SMOC1: variants seen among roughly 807,000 people sequenced by gnomAD.
SMOC1 encodes SPARC related modular calcium binding 1.
A neutral mutation model predicts 56.3 loss-of-function variants in SMOC1; 22 were observed. The ratio of observed to expected loss-of-function variants is 0.39; its 90% CI spans 0.28 to 0.56. The LOEUF (loss-of-function observed/expected upper bound fraction) is 0.56. Among genes scored for constraint, SMOC1 ranks in the 20% least tolerant of loss-of-function variants. The pLI, the probability that SMOC1 is intolerant of heterozygous loss-of-function variation, is 0.61. For missense variants in SMOC1, 509 were observed against 565.4 expected (o/e 0.90, Z 1.01); for synonymous variants, 193 against 215.0 (o/e 0.90, Z 0.89).
chr14:69,916,958 T>C (rs1449818548), intron 1 of SMOC1, among the ~76,000 whole-genome samples: 1 of 152,246 alleles, frequency 6.6e-6, no homozygotes, highest in Non-Finnish European at 1.5e-5. Context: ...GGAAGCATGC[T>C]GAGTGGATGA....
intron 7 of SMOC1, among the ~76,000 whole-genome samples, chr14:69,995,925 A>C (rs1452416174): frequency 6.6e-6 from 1 of 152,172 alleles, no homozygotes; most frequent in East Asian, 1.9e-4. Flanking sequence ...TTAGGCAAAT[A>C]TAAATCAAAT....
At chr14:69,977,274 C>A (rs978052469) in intron 4 of SMOC1, among the ~76,000 whole-genome samples, 1 of 152,196 alleles carries the variant, frequency 6.6e-6, no homozygotes, top group East Asian at 1.9e-4. Flanking sequence ...AGGGTCAGGA[C>A]TGGAGGAGGG....
At chr14:70,005,034 A>G (rs1885101874) in intron 7 of SMOC1, among the ~76,000 whole-genome samples, 1 of 152,250 alleles carries the variant, frequency 6.6e-6, no homozygotes, top group African/African-American at 2.4e-5. Flanking sequence ...TGGGTTACCC[A>G]GGATCTCAGC....
chr14:69,985,513 T>G (rs1884334008), intron 5 of SMOC1, among the ~76,000 whole-genome samples: 1 of 152,178 alleles, frequency 6.6e-6, no homozygotes, highest in South Asian at 2.1e-4. Flanking sequence ...TGTCCTTCAG[T>G]GGATGAAACA....
rs568788041 is a variant in SMOC1, at chr14:69,960,162, T to G, written c.378+6630T>G. On this transcript the variant is annotated intron_variant, in intron 3 of 11. Coordinates refer to ENST00000361956, the MANE Select transcript of SMOC1 (RefSeq NM_001034852.3). ...AACATTGGCAGGCTGAACATCCTCA[T>G]AGGGTGGAAGGGGTTTGTCCTATCT... is the stretch of plus-strand genomic sequence containing the variant. Among the ~76,000 whole-genome samples, 4 of 152,256 alleles carry G rather than the reference T, an allele frequency of 2.6e-5. No individual in the cohort carries two copies. In the South Asian group the frequency reaches 8.3e-4, roughly 32 times the overall value.
chr14:69,888,752 A>G (rs1388316500), intron 1 of SMOC1, among the ~76,000 whole-genome samples: 2 of 152,174 alleles, frequency 1.3e-5, no homozygotes, highest in Non-Finnish European at 2.9e-5. Context: ...AGAACTAGAT[A>G]TGCATTCTAA....
chr14:69,905,082 A>C (rs1884371058), intron 1 of SMOC1, among the ~76,000 whole-genome samples: 1 of 152,292 alleles, frequency 6.6e-6, no homozygotes, highest in South Asian at 2.1e-4. Flanking sequence ...GGTGGTCAGA[A>C]TGGTGATGAT....
intron 1 of SMOC1, among the ~76,000 whole-genome samples, chr14:69,900,760 G>C (rs1884223168): frequency 6.6e-6 from 1 of 152,178 alleles, no homozygotes; most frequent in African/African-American, 2.4e-5. Flanking sequence ...TGAGAAACCT[G>C]ATAACCAGGC....
intron 1 of SMOC1, among the ~76,000 whole-genome samples, chr14:69,892,761 A>G (rs773113853): frequency 3.4e-4 from 51 of 152,208 alleles, no homozygotes; most frequent in Admixed American, 1.8e-3. Flanking sequence ...ACATTTTCAT[A>G]TATATCTGTA....
intron 3 of SMOC1, among the ~76,000 whole-genome samples, chr14:69,971,693 A>G (rs902864989): frequency 1.3e-5 from 2 of 152,240 alleles, no homozygotes; most frequent in African/African-American, 2.4e-5. Flanking sequence ...AAGCTAAGCC[A>G]GGTAGAGTTT....
chr14:70,030,481 A>G lies in SMOC1; in HGVS notation c.*223A>G, dbSNP rs1886105146. ...AGTGGGAAAAGGAAAGGGAAGAAAG[A>G]CTTTATTCTCTCTCTTATTGTAAGT... On this transcript the variant is annotated 3_prime_UTR_variant, in exon 12 of 12. Transcript: ENST00000361956. 2.3e-6 allele frequency: 1 copy of G among 428,544 alleles called. No individual in the cohort carries two copies. Among genetic ancestry groups the G allele is most frequent in the African/African-American group, 2.4e-5 (1 of 41,842 alleles). 26.5% of individuals were successfully genotyped at this position (428,544 alleles called of 1,614,324 possible).
chr14:70,029,188 G>A (rs996510030), intron 11 of SMOC1, among the ~76,000 whole-genome samples: 1 of 152,200 alleles, frequency 6.6e-6, no homozygotes, highest in Non-Finnish European at 1.5e-5. Flanking sequence ...CTCTTCAAGA[G>A]GCCAGGACCT....
At chr14:69,885,266 CT>C (rs201984545) in intron 1 of SMOC1, 80,779 of 690,586 alleles carry the variant, frequency 0.12, 25 homozygotes, top group Middle Eastern at 0.16. Flanking sequence ...CGAACAACTT[CT>C]TTTTTTTTTT....
intron 1 of SMOC1, among the ~76,000 whole-genome samples, chr14:69,922,941 G>T (rs7160762): frequency 0.27 from 40,795 of 148,444 alleles, 7,147 homozygotes; most frequent in African/African-American, 0.5. Context: ...TCTTTTTTTT[G>T]TTTTTTTTGT....
chr14:69,947,762 A>G (rs1438343328), intron 1 of SMOC1, among the ~76,000 whole-genome samples: 1 of 152,114 alleles, frequency 6.6e-6, no homozygotes, highest in Non-Finnish European at 1.5e-5. Flanking sequence ...ACGTAACTAA[A>G]TATTTGATTT....
At chr14:69,903,766 G>A (rs1041014917) in intron 1 of SMOC1, among the ~76,000 whole-genome samples, 30 of 151,964 alleles carry the variant, frequency 2.0e-4, no homozygotes, top group South Asian at 2.1e-4. Context: ...CAAACACTGC[G>A]GAAGGCCCCA....
chr14:70,010,977 A>C, intron 8 of SMOC1, 31 bp downstream of exon 8: 1 of 1,610,732 alleles, frequency 6.2e-7, no homozygotes, highest in East Asian at 2.2e-5. Flanking sequence ...CCTGGGAAAA[A>C]CGCACCTGCT....
At chr14:69,973,060 C>T (rs1351193496) in intron 3 of SMOC1, among the ~76,000 whole-genome samples, 3 of 152,160 alleles carry the variant, frequency 2.0e-5, no homozygotes, top group African/African-American at 7.2e-5. Flanking sequence ...TGATTATTGA[C>T]CAAGGAGGAG....
At chr14:69,967,983 A>T (rs1368173198) in intron 3 of SMOC1, among the ~76,000 whole-genome samples, 1 of 152,224 alleles carries the variant, frequency 6.6e-6, no homozygotes. Flanking sequence ...ACCACTTCTC[A>T]CTGCAGTCAA....
Sources: allele counts gnomAD v4.1 joint callset (sites outside exome capture counted in the v4.1 genomes callset), GRCh38; gene constraint gnomAD v4.1.1; transcripts MANE v1.5; gene names NCBI Gene and HGNC (gene_info 2026-07-23, HGNC 2026-07-21).